The following ANKS1B variants were observed in gnomAD, a reference collection of about 807,000 sequenced individuals.
The protein encoded by ANKS1B is ankyrin repeat and sterile alpha motif domain-containing protein 1B.
ANKS1B carries 36 observed loss-of-function variants against 148.3 expected under a neutral mutation model. The observed-to-expected ratio is 0.24, with a 90% CI of 0.19 to 0.32. The LOEUF (loss-of-function observed/expected upper bound fraction) is 0.32, where lower values mean the gene tolerates loss of function less well. Ranked by LOEUF, ANKS1B falls within the 10% of genes least tolerant of loss-of-function variation. The probability of loss-of-function intolerance (pLI) is 1.00; values close to 1 mark genes in which losing one functional copy is unlikely to be tolerated. For missense variants in ANKS1B, 1,157 were observed against 1,542.6 expected (o/e 0.75, Z 4.19); for synonymous variants, 542 against 560.8 (o/e 0.97, Z 0.47).
intron 9 of ANKS1B, among the ~76,000 whole-genome samples, chr12:99,510,539 C>A (rs193143813): frequency 3.3e-5 from 5 of 152,072 alleles, no homozygotes; most frequent in African/African-American, 1.2e-4. Context: ...GAATATAGGA[C>A]TGAATTGCTG....
chr12:99,059,958 A>G (rs2041854960), intron 16 of ANKS1B, among the ~76,000 whole-genome samples: 2 of 152,168 alleles, frequency 1.3e-5, no homozygotes, highest in African/African-American at 4.8e-5. Context: ...AGGGCTAGGA[A>G]GTGACAGCTC....
intron 17 of ANKS1B, among the ~76,000 whole-genome samples, chr12:99,049,462 A>T (rs1361529737): frequency 6.6e-6 from 1 of 152,154 alleles, no homozygotes; most frequent in Non-Finnish European, 1.5e-5. Context: ...CCTAAATCTG[A>T]TACTCATAGG....
At chr12:99,878,718 T>A (rs1161352887) in intron 1 of ANKS1B, among the ~76,000 whole-genome samples, 1 of 152,186 alleles carries the variant, frequency 6.6e-6, no homozygotes, top group Non-Finnish European at 1.5e-5. Context: ...GTTACATTGG[T>A]ATTATTTTTT....
intron 1 of ANKS1B, among the ~76,000 whole-genome samples, chr12:99,931,552 A>G (rs1413999095): frequency 6.6e-6 from 1 of 152,190 alleles, no homozygotes; most frequent in Non-Finnish European, 1.5e-5. Flanking sequence ...TTGAGTCTAT[A>G]TTAAGGAGAA....
At chr12:99,020,776 G>T (rs2153436476) in intron 17 of ANKS1B, among the ~76,000 whole-genome samples, 1 of 152,196 alleles carries the variant, frequency 6.6e-6, no homozygotes, top group African/African-American at 2.4e-5. Context: ...AGAAAGATTT[G>T]TTCTTGTTAA....
At chr12:98,945,891 GC>G (rs1399103172) in intron 17 of ANKS1B, among the ~76,000 whole-genome samples, 2 of 152,168 alleles carry the variant, frequency 1.3e-5, no homozygotes, top group African/African-American at 2.4e-5. Context: ...CAGTTTTACA[GC>G]TTCTTGAACA....
chr12:99,940,592 TA>T (rs2094895766), intron 1 of ANKS1B, among the ~76,000 whole-genome samples: 1 of 152,038 alleles, frequency 6.6e-6, no homozygotes, highest in Admixed American at 6.6e-5. Context: ...AAAAAAATGA[TA>T]CTTAAAATAA....
At chr12:99,059,160 G>T (rs1417324226) in intron 16 of ANKS1B, among the ~76,000 whole-genome samples, 1 of 151,988 alleles carries the variant, frequency 6.6e-6, no homozygotes, top group East Asian at 1.9e-4. Flanking sequence ...ATTTTCCATA[G>T]AGTTCTATTA....
At chr12:99,976,594 T>A (rs1375766698) in intron 1 of ANKS1B, among the ~76,000 whole-genome samples, 2 of 152,170 alleles carry the variant, frequency 1.3e-5, no homozygotes, top group Admixed American at 1.3e-4. Flanking sequence ...CTAAGCAGTT[T>A]GTTTCAGTTC....
At chr12:99,003,628 T>C (rs1373030814) in intron 17 of ANKS1B, among the ~76,000 whole-genome samples, 1 of 152,232 alleles carries the variant, frequency 6.6e-6, no homozygotes, top group Non-Finnish European at 1.5e-5. Flanking sequence ...TGTATATTTA[T>C]GTGTGTACCT....
intron 14 of ANKS1B, among the ~76,000 whole-genome samples, chr12:99,155,561 A>G (rs1449036894): frequency 1.3e-5 from 2 of 152,140 alleles, no homozygotes; most frequent in African/African-American, 4.8e-5. Context: ...AATAAAGAAG[A>G]TGAGCCCTAA....
At chr12:99,471,383 A>T (rs2096239801) in intron 10 of ANKS1B, among the ~76,000 whole-genome samples, 1 of 149,368 alleles carries the variant, frequency 6.7e-6, no homozygotes. Flanking sequence ...AGTCCTGTTT[A>T]AAAAAAAAAT....
chr12:99,621,742 C>T (rs1388403908), intron 9 of ANKS1B, among the ~76,000 whole-genome samples: 1 of 152,050 alleles, frequency 6.6e-6, no homozygotes, highest in Non-Finnish European at 1.5e-5. Flanking sequence ...ATTGAAGCAT[C>T]TGGATTCATA....
At chr12:98,985,488 A>G (rs2099922751) in intron 17 of ANKS1B, among the ~76,000 whole-genome samples, 1 of 150,974 alleles carries the variant, frequency 6.6e-6, no homozygotes, top group African/African-American at 2.4e-5. Context: ...TTATGATTAC[A>G]TTTTATTTTT....
At chr12:99,209,242 C>A (rs1394158368) in intron 14 of ANKS1B, among the ~76,000 whole-genome samples, 4 of 152,150 alleles carry the variant, frequency 2.6e-5, no homozygotes, top group Non-Finnish European at 4.4e-5. Flanking sequence ...GTGGTCACTA[C>A]TTTTTCTGCA....
At chr12:98,927,713 G>C (rs2099810018) in intron 17 of ANKS1B, among the ~76,000 whole-genome samples, 1 of 151,660 alleles carries the variant, frequency 6.6e-6, no homozygotes, top group South Asian at 2.1e-4. Flanking sequence ...ATCCAAACTA[G>C]ATTATTTTAA....
chr12:99,874,007 T>C (rs2091821168), intron 1 of ANKS1B, among the ~76,000 whole-genome samples: 1 of 142,194 alleles, frequency 7.0e-6, no homozygotes, highest in African/African-American at 3.1e-5. Context: ...TAAATCTCTC[T>C]CTCTCTCTCT....
intron 10 of ANKS1B, among the ~76,000 whole-genome samples, chr12:99,480,939 G>A (rs1394492184): frequency 6.7e-6 from 1 of 150,238 alleles, no homozygotes; most frequent in Non-Finnish European, 1.5e-5. Flanking sequence ...TCCAAAAATT[G>A]TTTTTATATT....
At chr12:99,635,000 C>T (rs1049415760) in intron 9 of ANKS1B, among the ~76,000 whole-genome samples, 1 of 152,108 alleles carries the variant, frequency 6.6e-6, no homozygotes, top group African/African-American at 2.4e-5. Flanking sequence ...TCAACAAGCA[C>T]ATGAAAAGAT....
Sources: gnomAD v4.1 joint callset for allele counts (sites outside exome capture counted in the v4.1 genomes callset) on GRCh38, gnomAD v4.1.1 for gene constraint, MANE v1.5 for transcripts, NCBI Gene and HGNC (gene_info 2026-07-23, HGNC 2026-07-21) for gene names.